ASTN1: variants seen among roughly 807,000 people sequenced by gnomAD.
ASTN1 encodes astrotactin 1, also known as astrotactin-1.
ASTN1 carries 41 observed loss-of-function variants against 140.7 expected under a neutral mutation model. The observed-to-expected ratio is 0.29, with a 90% CI of 0.23 to 0.38. The LOEUF (loss-of-function observed/expected upper bound fraction) is 0.38, where lower values mean the gene tolerates loss of function less well. Ranked by LOEUF, ASTN1 falls within the 10% of genes least tolerant of loss-of-function variation. ASTN1 has a pLI of 1.00. For missense variants in ASTN1, 1,479 were observed against 1,678.8 expected, an observed-to-expected ratio of 0.88 and a Z score of 2.08; for synonymous variants, 640 against 652.2, an observed-to-expected ratio of 0.98 and a Z score of 0.29.
chr1:176,992,544 G>A (rs1473998998), intron 8 of ASTN1, among the ~76,000 whole-genome samples: 2 of 152,140 alleles, frequency 1.3e-5, no homozygotes, highest in Admixed American at 6.5e-5. Context: ...CAAGCTAGAT[G>A]AGGATTAGAA....
chr1:176,875,709 T>C (rs1193933878), intron 21 of ASTN1, among the ~76,000 whole-genome samples: 1 of 152,224 alleles, frequency 6.6e-6, no homozygotes, highest in Non-Finnish European at 1.5e-5. Flanking sequence ...ATATTTCTCT[T>C]ACTGAAACTT....
At chr1:176,967,013 C>G (rs1328071509) in intron 8 of ASTN1, among the ~76,000 whole-genome samples, 1 of 152,000 alleles carries the variant, frequency 6.6e-6, no homozygotes, top group Non-Finnish European at 1.5e-5. Flanking sequence ...CAACTTAACC[C>G]AACAAGCTAA....
chr1:177,062,116 T>C (rs1042088899), intron 1 of ASTN1, among the ~76,000 whole-genome samples: 2 of 152,200 alleles, frequency 1.3e-5, no homozygotes, highest in Non-Finnish European at 2.9e-5. Flanking sequence ...AGCAATATTA[T>C]ATCAAAGCTC....
intron 1 of ASTN1, among the ~76,000 whole-genome samples, chr1:177,117,337 T>C (rs752907213): frequency 5.3e-5 from 8 of 152,174 alleles, no homozygotes; most frequent in Non-Finnish European, 1.0e-4. Context: ...AATCATTTGC[T>C]AGAATCTCCT....
intron 1 of ASTN1, among the ~76,000 whole-genome samples, chr1:177,075,625 C>CT (rs200271349): frequency 7.6e-6 from 1 of 131,640 alleles, no homozygotes; most frequent in African/African-American, 2.9e-5. Flanking sequence ...TTCTTTCTTT[C>CT]TTTTCTTTTC....
intron 2 of ASTN1, among the ~76,000 whole-genome samples, chr1:177,060,107 G>T (rs1678012228): frequency 6.6e-6 from 1 of 152,132 alleles, no homozygotes; most frequent in African/African-American, 2.4e-5. Flanking sequence ...AGGCACTGGG[G>T]ACACATCAGT....
chr1:176,932,495 A>G (rs764978256), intron 16 of ASTN1, among the ~76,000 whole-genome samples: 1 of 152,236 alleles, frequency 6.6e-6, no homozygotes, highest in Non-Finnish European at 1.5e-5. Flanking sequence ...TAAACCCTAT[A>G]ACTTAGAGGT....
In ASTN1 at chr1:176,862,160, G is replaced by C. The variant is rs1376907732; in HGVS notation, c.*2124C>G. 7 of 985,466 alleles carry C rather than the reference G, an allele frequency of 7.1e-6. No individual in the cohort carries two copies. The highest frequency in any genetic ancestry group is 8.4e-6 in the Non-Finnish European group (7 of 829,964). The allele number at this position is 985,466 out of a possible 1,614,324, so 61.0% of individuals were successfully genotyped here. A position where few individuals can be genotyped will look rare whatever the true frequency, so the allele number is the denominator to read the frequency against. On this transcript the variant is annotated 3_prime_UTR_variant, in exon 23 of 23. Transcript: ENST00000361833. ...TGCCCCTTGAGGCACTTTAACTGAG[G>C]CTCCAGCATTTGCCACAGGTGGGAC...
chr1:176,975,412 C>T (rs1419122629), intron 8 of ASTN1, among the ~76,000 whole-genome samples: 3 of 152,238 alleles, frequency 2.0e-5, no homozygotes, highest in Non-Finnish European at 4.4e-5. Flanking sequence ...ACACCTTGCT[C>T]TGCTCTTCTC....
At chr1:177,162,890 T>C (rs542913051) in intron 1 of ASTN1, among the ~76,000 whole-genome samples, 4 of 152,336 alleles carry the variant, frequency 2.6e-5, no homozygotes, top group East Asian at 3.9e-4. Context: ...TATTATGTTA[T>C]TGGTATTTTT....
intron 16 of ASTN1, among the ~76,000 whole-genome samples, chr1:176,912,041 G>A (rs1670264525): frequency 6.6e-6 from 1 of 152,184 alleles, no homozygotes; most frequent in South Asian, 2.1e-4. Flanking sequence ...TGACCAAAAT[G>A]TTGTTATGTG....
downstream of ASTN1, among the ~76,000 whole-genome samples, chr1:176,859,801 A>T (rs1359430493): frequency 1.3e-5 from 2 of 152,182 alleles, no homozygotes; most frequent in African/African-American, 2.4e-5. Context: ...AAGCAAACAA[A>T]CAAAATCCTT....
chr1:176,900,392 A>C (rs1219841755), intron 16 of ASTN1, among the ~76,000 whole-genome samples: 8 of 152,136 alleles, frequency 5.3e-5, no homozygotes, highest in Non-Finnish European at 7.3e-5. Context: ...AACTCAGCAA[A>C]ACGCACTGCT....
chr1:176,864,350 C>G lies in ASTN1; in HGVS notation c.3819G>C (p.Arg1273Ser), dbSNP rs61758730. The G allele has an allele frequency of 6.1e-4, 983 of 1,614,122 alleles. 3 individuals carry two copies. Among genetic ancestry groups the G allele is most frequent in the South Asian group, 2.3e-3 (205 of 91,076 alleles). The change falls in exon 23 of 23, where the codon AGG (arginine) becomes AGC (serine). Residue 1273 changes from arginine to serine, a missense_variant. Physicochemically the swap from Arg to Ser is moderately radical, Grantham distance 110 (BLOSUM62 -1). Transcript: ENST00000361833. ...TCAGGGTCTGCTCCTCACACGTCTT[C>G]CTGAGGTCCCGGCTGAGCTCCGCCC... ...LDWAELSRDL[R>S]KTCEEQTLSI...
Position 176,934,177 on chromosome 1 carries a change from C to T in ASTN1, c.2646G>A (p.Trp882Ter). The change falls in exon 16 of 23, where the codon TGG becomes TGA. Residue 882 changes from tryptophan (W) to a stop codon, truncating the protein, a stop_gained. Coordinates refer to ENST00000361833, the MANE Select transcript of ASTN1 (RefSeq NM_004319.3). LOFTEE classifies it high-confidence loss of function. Reference protein sequence around the residue: ...YPNKQVQRRLWLEYEDISKGN... With the variant: ...YPNKQVQRRL ...CTTTACTGATGTCTTCATACTCCAGCCAGAGTCGCCGCTGGACCTGCTTGT... is the reference window on the plus strand; with the variant it reads ...CTTTACTGATGTCTTCATACTCCAGTCAGAGTCGCCGCTGGACCTGCTTGT... 6.2e-7 allele frequency: 1 copy of T among 1,612,858 alleles called. No individual in the cohort carries two copies. The highest frequency in any genetic ancestry group is 8.5e-7 in the Non-Finnish European group (1 of 1,179,026).
At chr1:176,963,652 T>C (rs1557994928) in intron 9 of ASTN1, among the ~76,000 whole-genome samples, 1 of 152,186 alleles carries the variant, frequency 6.6e-6, no homozygotes, top group Non-Finnish European at 1.5e-5. Context: ...TTTGCTTGAA[T>C]AGCAATTTTA....
intron 1 of ASTN1, among the ~76,000 whole-genome samples, chr1:177,158,592 G>GA (rs1213799866): frequency 6.6e-6 from 1 of 151,640 alleles, no homozygotes; most frequent in African/African-American, 2.4e-5. Flanking sequence ...AACTGGCCCT[G>GA]ATGTGAGAAA....
chr1:176,996,261 CCTCTCTCTCT>C (rs146791378), intron 8 of ASTN1, among the ~76,000 whole-genome samples: 41 of 140,948 alleles, frequency 2.9e-4, no homozygotes, highest in African/African-American at 9.9e-4. Flanking sequence ...AGTCATATAT[CCTCTCTCTCT>C]CTCTCTCTCT....
chr1:176,958,256 A>T, intron 10 of ASTN1, 89 bp downstream of exon 10: 1 of 1,583,592 alleles, frequency 6.3e-7, no homozygotes, highest in Non-Finnish European at 8.6e-7. Context: ...GCTTGTTGGG[A>T]CTCCTTCCCC....
Sources: allele counts gnomAD v4.1 joint callset (sites outside exome capture counted in the v4.1 genomes callset), GRCh38; gene constraint gnomAD v4.1.1; transcripts MANE v1.5; gene names NCBI Gene and HGNC (gene_info 2026-07-23, HGNC 2026-07-21).